The following CFAP44 variants were observed in gnomAD, a reference collection of about 807,000 sequenced individuals.
CFAP44 encodes the protein cilia- and flagella-associated protein 44.
In CFAP44, 134 loss-of-function variants were observed where a neutral mutation model predicts 216.2. The ratio of observed to expected loss-of-function variants is 0.62; its 90% confidence interval spans 0.54 to 0.72. The LOEUF (loss-of-function observed/expected upper bound fraction) is 0.72. Ranked by LOEUF, CFAP44 falls within the 30% of genes least tolerant of loss-of-function variation. CFAP44 has a pLI of 0.00. For missense variants in CFAP44, 2,035 were observed against 2,182.1 expected, an observed-to-expected ratio of 0.93 and a Z score of 1.34; for synonymous variants, 700 against 727.6, an observed-to-expected ratio of 0.96 and a Z score of 0.61.
At chr3:113,312,448 GT>G (rs1212080001) in intron 28 of CFAP44, among the ~76,000 whole-genome samples, 1 of 152,054 alleles carries the variant, frequency 6.6e-6, no homozygotes, top group South Asian at 2.1e-4. Context: ...GCATGACAAT[GT>G]GATAGAAAAG....
chr3:113,369,969 A>G (rs1260823753), intron 18 of CFAP44, among the ~76,000 whole-genome samples: 1 of 152,252 alleles, frequency 6.6e-6, no homozygotes, highest in Admixed American at 6.5e-5. Flanking sequence ...CAAATAAACT[A>G]GAAAATCTAG....
chr3:113,321,469 G>T (rs1192202159), intron 28 of CFAP44, among the ~76,000 whole-genome samples: 4 of 152,180 alleles, frequency 2.6e-5, no homozygotes, highest in Non-Finnish European at 1.5e-5. Flanking sequence ...AACAAGGCAA[G>T]AATGCCCACT....
At position 113,333,514 on chromosome 3, in the gene CFAP44, C is replaced by G; in HGVS notation, c.3507G>C (p.Val1169=). 6.5e-7 allele frequency: 1 copy of G among 1,537,118 alleles called. No homozygotes were observed. Among genetic ancestry groups the G allele is most frequent in the East Asian group, 2.4e-5 (1 of 40,900 alleles). Residue 1169 remains valine (V), a synonymous_variant, in exon 25 of 35, where the codon GTG becomes GTC. Coordinates refer to ENST00000393845, the MANE Select transcript of CFAP44 (RefSeq NM_001164496.2). ...KDLQAIKEAQ[V]YMGDFNLKTA... is the part of the protein sequence containing the mutation. The stretch of plus-strand genomic sequence containing the variant: ...TCTTCAGATTGAAATCTCCCATATA[C>G]ACCTGGGCTTCTTTGATGGCTTGAA...
chr3:113,370,455 C>A (rs1026865664), intron 18 of CFAP44, among the ~76,000 whole-genome samples: 1 of 152,182 alleles, frequency 6.6e-6, no homozygotes, highest in Non-Finnish European at 1.5e-5. Flanking sequence ...TAATCCATCA[C>A]ATAAACAGAA....
intron 2 of CFAP44, among the ~76,000 whole-genome samples, chr3:113,430,925 T>C (rs1576609730): frequency 6.6e-6 from 1 of 152,152 alleles, no homozygotes; most frequent in African/African-American, 2.4e-5. Context: ...TCCTTCACCA[T>C]CGTGAGAAAT....
chr3:113,356,640 A>G (rs959875387), intron 22 of CFAP44, among the ~76,000 whole-genome samples: 1 of 152,226 alleles, frequency 6.6e-6, no homozygotes, highest in African/African-American at 2.4e-5. Context: ...TCGGATATCA[A>G]TATAAAAACA....
chr3:113,410,367 CA>C (rs1325116321), intron 6 of CFAP44, among the ~76,000 whole-genome samples: 1 of 152,148 alleles, frequency 6.6e-6, no homozygotes, highest in Non-Finnish European at 1.5e-5. Context: ...TCTCATTGGT[CA>C]ATTCCCACCT....
At chr3:113,315,282 T>C (rs1576543676) in intron 28 of CFAP44, among the ~76,000 whole-genome samples, 1 of 152,108 alleles carries the variant, frequency 6.6e-6, no homozygotes, top group Admixed American at 6.5e-5. Flanking sequence ...GGAGCAGCTA[T>C]ATTAATGTCA....
chr3:113,436,246 TTA>T (rs903530488), intron 1 of CFAP44, among the ~76,000 whole-genome samples: 3 of 152,138 alleles, frequency 2.0e-5, no homozygotes, highest in Admixed American at 6.5e-5. Context: ...GTTTTTTTTT[TTA>T]AATAAAGAAT....
chr3:113,308,330 T>A lies in CFAP44; in HGVS notation c.4517-62A>T, dbSNP rs1950005628. 4 of 1,289,914 alleles carry A rather than the reference T, an allele frequency of 3.1e-6. No homozygotes were observed. The Admixed American group carries it at 8.5e-5, about 27-fold the overall frequency. The allele number at this position is 1,289,914 out of a possible 1,614,324, so 79.9% of individuals were successfully genotyped here. A position where few individuals can be genotyped will look rare whatever the true frequency, so the allele number is the denominator to read the frequency against. On this transcript the variant is annotated intron_variant, in intron 28 of 34. Transcript: ENST00000393845. ...TCTATATTAAACTAAATACTAGATT[T>A]TTAAAGTAAACTATTTTTCAATGAG...
At chr3:113,418,279 G>A (rs1448028377) in intron 5 of CFAP44, among the ~76,000 whole-genome samples, 4 of 151,976 alleles carry the variant, frequency 2.6e-5, no homozygotes, top group Non-Finnish European at 5.9e-5. Flanking sequence ...TAGATACGGG[G>A]TTTTACCATG....
chr3:113,344,121 G>C lies in CFAP44; in HGVS notation c.3262+395C>G, dbSNP rs11920317. 1.9e-3 allele frequency among the ~76,000 whole-genome samples: 290 copies of C among 152,168 alleles called. 2 individuals carry two copies. The highest frequency in any genetic ancestry group is 5.7e-3 in the African/African-American group (237 of 41,498). On this transcript the variant is annotated intron_variant, in intron 23 of 34. Transcript: ENST00000393845. The stretch of plus-strand genomic sequence containing the variant: ...GTTTTAGCCCTACACTTTGGAATAG[G>C]GCCCAGGAATCTAAAACGAACCACT...
Position 113,346,346 on chromosome 3 carries a change from C to T in CFAP44, c.3066-1634G>A, listed in dbSNP as rs148218053. ...GCTAAAGGACTGTAAGTGCACCAAT[C>T]AGCACTCTGTAAAAACGCACCAATC... is the stretch of plus-strand genomic sequence containing the variant. On this transcript the variant is annotated intron_variant, in intron 22 of 34. Coordinates refer to ENST00000393845, the MANE Select transcript of CFAP44 (RefSeq NM_001164496.2). Among the ~76,000 whole-genome samples, 1,008 of 151,964 alleles carry T rather than the reference C, an allele frequency of 6.6e-3. 10 individuals carry two copies. Among genetic ancestry groups the T allele is most frequent in the African/African-American group, 0.024 (973 of 41,396 alleles).
At chr3:113,325,025 C>T (rs568736016) in intron 28 of CFAP44, among the ~76,000 whole-genome samples, 98 of 152,046 alleles carry the variant, frequency 6.4e-4, no homozygotes, top group Non-Finnish European at 9.9e-4. Flanking sequence ...AAAAAGGGGC[C>T]GGGCACAGTG....
At chr3:113,322,194 T>C (rs7634526) in intron 28 of CFAP44, among the ~76,000 whole-genome samples, 14,164 of 152,116 alleles carry the variant, frequency 0.093, 879 homozygotes, top group African/African-American at 0.17. Flanking sequence ...AAGATCAGAA[T>C]AGAAAACTCA....
chr3:113,297,096 A>G (rs75960443), intron 32 of CFAP44, among the ~76,000 whole-genome samples: 3,165 of 152,292 alleles, frequency 0.021, 109 homozygotes, highest in African/African-American at 0.072. Flanking sequence ...AATCCTGTGT[A>G]AAACTGACTC....
chr3:113,296,910 A>C, intron 32 of CFAP44, 25 bp from the exon 33 acceptor site: 1 of 1,537,128 alleles, frequency 6.5e-7, no homozygotes, highest in South Asian at 1.2e-5. Flanking sequence ...TCACTGGCTC[A>C]GGTTGTTCAA....
chr3:113,377,999 C>T (rs905890133), intron 17 of CFAP44, among the ~76,000 whole-genome samples: 1 of 152,088 alleles, frequency 6.6e-6, no homozygotes, highest in Non-Finnish European at 1.5e-5. Flanking sequence ...TACTTGGAAA[C>T]CCTAAGAGTA....
At position 113,373,270 on chromosome 3, in the gene CFAP44, C is replaced by T. The variant is rs969239059; in HGVS notation, c.2444+141G>A. 17 of 712,944 alleles carry T rather than the reference C, an allele frequency of 2.4e-5. No homozygotes were observed. In the African/African-American group the frequency reaches 3.1e-4, roughly 13 times the overall value. 44.2% of individuals were successfully genotyped at this position (712,944 alleles called of 1,614,324 possible). A position where few individuals can be genotyped will look rare whatever the true frequency, so the allele number is the denominator to read the frequency against. ...AGTATTAGCTTTGATTTTATTTATT[C>T]ATTTGATTTATTTAACCAAATATTT... On this transcript the variant is annotated intron_variant, in intron 18 of 34. Transcript: ENST00000393845.
Sources: gnomAD v4.1 joint callset for allele counts (sites outside exome capture counted in the v4.1 genomes callset) on GRCh38, gnomAD v4.1.1 for gene constraint, MANE v1.5 for transcripts, NCBI Gene and HGNC (gene_info 2026-07-23, HGNC 2026-07-21) for gene names.